DST: variants seen among roughly 807,000 people sequenced by gnomAD.
DST encodes the protein bullous pemphigoid antigen.
DST carries 253 observed loss-of-function variants against 875.2 expected under a neutral mutation model. That is an observed-to-expected ratio of 0.29 (90% CI 0.26 to 0.32). The LOEUF (loss-of-function observed/expected upper bound fraction) is 0.32. Among genes scored for constraint, DST ranks in the 10% least tolerant of loss-of-function variants. The pLI is 1.00. For synonymous variants in DST, 3,124 were observed against 3,197.1 expected (o/e 0.98, Z 0.77); for missense variants, 8,287 against 9,111.6 (o/e 0.91, Z 3.68).
chr6:56,775,198 C>G (rs1338206346), intron 4 of DST, among the ~76,000 whole-genome samples: 1 of 152,008 alleles, frequency 6.6e-6, no homozygotes, highest in African/African-American at 2.4e-5. Context: ...AGAGGAAGAA[C>G]AGTTTACTAA....
At chr6:56,469,396 C>T (rs1334807227) in intron 97 of DST, among the ~76,000 whole-genome samples, 1 of 151,538 alleles carries the variant, frequency 6.6e-6, no homozygotes, top group Non-Finnish European at 1.5e-5. Flanking sequence ...TCACACTGTT[C>T]TTCTGTTTTG....
At chr6:56,931,416 T>C (rs1187083787) in intron 2 of DST, among the ~76,000 whole-genome samples, 1 of 152,224 alleles carries the variant, frequency 6.6e-6, no homozygotes, top group East Asian at 1.9e-4. Context: ...GCTAGGGCAG[T>C]GCAGAAGAGA....
At chr6:56,756,123 G>C (rs2099602338) in intron 4 of DST, among the ~76,000 whole-genome samples, 1 of 152,196 alleles carries the variant, frequency 6.6e-6, no homozygotes, top group African/African-American at 2.4e-5. Flanking sequence ...GGTGCATTCA[G>C]TGAATAAGGA....
At chr6:56,618,414 T>C in intron 36 of DST, 3 of 1,614,196 alleles carry the variant, frequency 1.9e-6, no homozygotes, top group Non-Finnish European at 2.5e-6. Flanking sequence ...GTACAGTCTT[T>C]GGCTGTGCTC....
intron 3 of DST, among the ~76,000 whole-genome samples, chr6:56,893,707 A>C (rs1288519465): frequency 1.5e-5 from 1 of 68,388 alleles, no homozygotes; most frequent in Non-Finnish European, 2.6e-5. Flanking sequence ...AAACAAGTGA[A>C]CAAAGGTCTC....
At chr6:56,832,153 G>A (rs1486318106) in intron 4 of DST, among the ~76,000 whole-genome samples, 1 of 152,170 alleles carries the variant, frequency 6.6e-6, no homozygotes, top group Non-Finnish European at 1.5e-5. Flanking sequence ...AAAGTATAAA[G>A]ACTACACATT....
At chr6:56,795,156 G>C (rs951139356) in intron 4 of DST, among the ~76,000 whole-genome samples, 10 of 152,166 alleles carry the variant, frequency 6.6e-5, no homozygotes, top group African/African-American at 2.4e-4. Flanking sequence ...TCCTTAGAAA[G>C]GAGGGAAGAT....
At chr6:56,585,576 C>T (rs9349834) in intron 49 of DST, among the ~76,000 whole-genome samples, 65,295 of 151,512 alleles carry the variant, frequency 0.43, 14,755 homozygotes, top group African/African-American at 0.55. Flanking sequence ...TTGAAGGGTT[C>T]TTTGTGTCTC....
intron 55 of DST, among the ~76,000 whole-genome samples, chr6:56,566,140 G>C (rs921061445): frequency 1.3e-5 from 2 of 152,178 alleles, no homozygotes; most frequent in Non-Finnish European, 2.9e-5. Context: ...GCTCCGTAGG[G>C]GTTGGATCTG....
At position 56,580,275 on chromosome 6, in the gene DST, G is replaced by A. The variant is rs569942966; in HGVS notation, c.12904-1338C>T. ...TAAGTAAAGTATTTCCAGCTGGTGC[G>A]GTGGCTCACTTGTAATCCCAACGCT... On this transcript the variant is annotated intron_variant, in intron 49 of 103. Coordinates refer to ENST00000680361, the MANE Select transcript of DST (RefSeq NM_001374736.1). 7.9e-5 allele frequency among the ~76,000 whole-genome samples: 12 copies of A among 152,252 alleles called. 1 individual carries two copies. Among genetic ancestry groups the A allele is most frequent in the Admixed American group, 5.2e-4 (8 of 15,294 alleles).
intron 4 of DST, among the ~76,000 whole-genome samples, chr6:56,787,813 T>C (rs1410950386): frequency 1.3e-5 from 2 of 152,084 alleles, no homozygotes; most frequent in African/African-American, 2.4e-5. Context: ...GTAAGAAAAA[T>C]GCAACTTTAT....
At chr6:56,736,470 T>G (rs2099524514) in intron 4 of DST, among the ~76,000 whole-genome samples, 1 of 152,180 alleles carries the variant, frequency 6.6e-6, no homozygotes, top group Non-Finnish European at 1.5e-5. Flanking sequence ...AGCAATTCCT[T>G]ACTTTCTTAT....
chr6:56,823,497 G>A lies in DST; in HGVS notation c.625+27900C>T, dbSNP rs146434659. Among the ~76,000 whole-genome samples the A allele has an allele frequency of 9.4e-3, 1,421 of 151,864 alleles. 9 individuals are homozygous for A. The highest frequency in any genetic ancestry group is 0.014 in the Non-Finnish European group (955 of 67,942). Reference sequence around the variant, plus strand: ...GCAATCTCAGCTCACTGCAATCTCCGCCTCCCGGATTCAAGCAATTCTCCT... The same window carrying A: ...GCAATCTCAGCTCACTGCAATCTCCACCTCCCGGATTCAAGCAATTCTCCT... On this transcript the variant is annotated intron_variant, in intron 4 of 103. Coordinates refer to ENST00000680361, the MANE Select transcript of DST (RefSeq NM_001374736.1).
rs767040863 is a variant in DST at position 56,580,225 on chromosome 6, G to A, written c.12904-1288C>T. Among the ~76,000 whole-genome samples, 8 of 152,104 alleles carry A rather than the reference G, an allele frequency of 5.3e-5. No homozygotes were observed. In the South Asian group the frequency reaches 8.3e-4, roughly 16 times the overall value. Reference sequence around the variant, plus strand: ...TGCTAAGTAGTCACTGTGGCTAGTGGCTACCAATTGAACAGAGCAAAATAT... The same window carrying A: ...TGCTAAGTAGTCACTGTGGCTAGTGACTACCAATTGAACAGAGCAAAATAT... On this transcript the variant is annotated intron_variant, in intron 49 of 103. Transcript: ENST00000680361.
intron 3 of DST, among the ~76,000 whole-genome samples, chr6:56,862,778 G>GA (rs1381175733): frequency 6.6e-6 from 1 of 152,058 alleles, no homozygotes; most frequent in Non-Finnish European, 1.5e-5. Flanking sequence ...TTAGAGACTG[G>GA]AAAAAAGAAG....
chr6:56,859,549 TC>T (rs1335450900), intron 3 of DST, among the ~76,000 whole-genome samples: 8 of 151,884 alleles, frequency 5.3e-5, no homozygotes, highest in African/African-American at 1.9e-4. Flanking sequence ...AGCAAACAGA[TC>T]TCTAAAAATA....
At chr6:56,757,279 C>A (rs2099606474) in intron 4 of DST, among the ~76,000 whole-genome samples, 2 of 152,148 alleles carry the variant, frequency 1.3e-5, no homozygotes, top group African/African-American at 4.8e-5. Context: ...CAGTAAACAT[C>A]AGATGTCCCT....
intron 4 of DST, among the ~76,000 whole-genome samples, chr6:56,788,584 G>C (rs1344551104): frequency 1.3e-5 from 2 of 152,172 alleles, no homozygotes; most frequent in Non-Finnish European, 2.9e-5. Flanking sequence ...AATAGCACAA[G>C]AGAAATATTT....
intron 49 of DST, among the ~76,000 whole-genome samples, chr6:56,582,904 G>A (rs530482662): frequency 1.3e-5 from 2 of 152,176 alleles, no homozygotes; most frequent in Admixed American, 1.3e-4. Flanking sequence ...TTTCATCCAT[G>A]TCCCTACAAA....
Sources: gnomAD v4.1 joint callset for allele counts (sites outside exome capture counted in the v4.1 genomes callset) on GRCh38, gnomAD v4.1.1 for gene constraint, MANE v1.5 for transcripts, NCBI Gene and HGNC (gene_info 2026-07-23, HGNC 2026-07-21) for gene names.